The following ACTN1 variants were observed in gnomAD, a reference collection of about 807,000 sequenced individuals.
The protein encoded by ACTN1 is alpha-actinin-1.
ACTN1 carries 30 observed loss-of-function variants against 119.6 expected under a neutral mutation model. That is an observed-to-expected ratio of 0.25 (90% CI 0.19 to 0.34). The LOEUF (loss-of-function observed/expected upper bound fraction) is 0.34. Among genes scored for constraint, ACTN1 ranks in the 10% least tolerant of loss-of-function variants. ACTN1 has a pLI of 1.00. For missense variants in ACTN1, 764 were observed against 1,223.4 expected, an observed-to-expected ratio of 0.62 and a Z score of 5.60; for synonymous variants, 429 against 472.6, an observed-to-expected ratio of 0.91 and a Z score of 1.20.
At chr14:68,921,198 C>A in intron 2 of ACTN1, 73 bp from the exon 3 acceptor site, 1 of 1,571,592 alleles carries the variant, frequency 6.4e-7, no homozygotes, top group South Asian at 1.2e-5. Context: ...TACCACTACA[C>A]CCTCATCCAA....
Position 68,909,252 on chromosome 14 carries a change from A to T in ACTN1, c.594+66T>A. ...CATGGACTGTCACAACAAGGGTCCT[A>T]GTCCTGCTCTTTTCCCACCCCACCT... On this transcript the variant is annotated intron_variant, in intron 6 of 21. Transcript: ENST00000394419. The surrounding 1 kb of genome is among the most constrained non-coding windows in gnomAD (Gnocchi z 4.1). 2.0e-6 allele frequency: 3 copies of T among 1,485,296 alleles called. No individual in the cohort carries two copies. Among genetic ancestry groups the T allele is most frequent in the Non-Finnish European group, 2.8e-6 (3 of 1,065,518 alleles). 92.0% of individuals were successfully genotyped at this position (1,485,296 alleles called of 1,614,324 possible). A position where few individuals can be genotyped will look rare whatever the true frequency, so the allele number is the denominator to read the frequency against.
chr14:68,905,441 C>T (rs1362029471), intron 6 of ACTN1, among the ~76,000 whole-genome samples: 1 of 152,210 alleles, frequency 6.6e-6, no homozygotes, highest in African/African-American at 2.4e-5. Context: ...TACAATTCCA[C>T]TTGCGGGGAG....
At chr14:68,877,538 T>A (rs1594747081) in intron 20 of ACTN1, 1 of 362,922 alleles carries the variant, frequency 2.8e-6, no homozygotes, top group East Asian at 5.3e-5. Flanking sequence ...ATGTAGCATA[T>A]CAAGTATTAA....
intron 1 of ACTN1, among the ~76,000 whole-genome samples, chr14:68,974,884 G>C: frequency 6.6e-6 from 1 of 152,206 alleles, no homozygotes. Flanking sequence ...TCTGTGACTA[G>C]GCCACATCTC....
intron 1 of ACTN1, chr14:68,973,631 AGAGG>A (rs2036966108): frequency 6.6e-6 from 1 of 152,274 alleles, no homozygotes; most frequent in Admixed American, 6.5e-5. Flanking sequence ...TCATGCATGA[AGAGG>A]GAGGAAGAAG....
At chr14:68,978,922 G>A in intron 1 of ACTN1, 30 bp downstream of exon 1, 1 of 1,467,488 alleles carries the variant, frequency 6.8e-7, no homozygotes, top group South Asian at 1.2e-5. Context: ...TGGGGGCTGG[G>A]GGCTGCAGCG....
chr14:68,909,452 C>T lies in ACTN1; in HGVS notation c.516-56G>A. 6.4e-7 allele frequency: 1 copy of T among 1,566,056 alleles called. No homozygotes were observed. The highest frequency in any genetic ancestry group is 8.8e-7 in the Non-Finnish European group (1 of 1,139,812). On this transcript the variant is annotated intron_variant, in intron 5 of 21. Transcript: ENST00000394419. The surrounding 1 kb of genome is among the most constrained non-coding windows in gnomAD (Gnocchi z 4.1). ...TGGTAAATGAGGCTGAACAAACGGGCAACCAGGGCAAAGCAGGGGCCTCCT... is the reference window on the plus strand; with the variant it reads ...TGGTAAATGAGGCTGAACAAACGGGTAACCAGGGCAAAGCAGGGGCCTCCT...
rs2031117185 is a variant in ACTN1, at chr14:68,878,274, C to A, written c.2427+184G>T. On this transcript the variant is annotated intron_variant, in intron 20 of 21. Coordinates refer to ENST00000394419, the MANE Select transcript of ACTN1 (RefSeq NM_001130004.2). The surrounding 1 kb of genome is among the most constrained non-coding windows in gnomAD (Gnocchi z 4.4). The stretch of plus-strand genomic sequence containing the variant: ...GAGGAGGTCAGGCCTCCCGGATACA[C>A]ACACGCCCGTGGCCGGGCCGGCTTT... 1 of 789,940 alleles carries A rather than the reference C, an allele frequency of 1.3e-6. No individual in the cohort carries two copies. The highest frequency in any genetic ancestry group is 1.9e-6 in the Non-Finnish European group (1 of 523,672). The allele number at this position is 789,940 out of a possible 1,614,324, so 48.9% of individuals were successfully genotyped here. A position where few individuals can be genotyped will look rare whatever the true frequency, so the allele number is the denominator to read the frequency against.
In ACTN1 at chr14:68,892,119, C is replaced by G. The variant is rs200777938; in HGVS notation, c.1020G>C (p.Thr340=). 24 of 1,613,866 alleles carry G rather than the reference C, an allele frequency of 1.5e-5. No individual in the cohort carries two copies. The highest frequency in any genetic ancestry group is 3.3e-5 in the South Asian group (3 of 91,070). Residue 340 remains threonine, a synonymous_variant, in exon 10 of 22, where the codon ACG becomes ACC. Transcript: ENST00000394419. ...TGCTGAGCCGCAGCTTGGTCTGCAG[C>G]GTGTTGAAGTTGATCTCCAGCTGGC... ...EKCQLEINFN[T]LQTKLRLSNR...
intron 1 of ACTN1, among the ~76,000 whole-genome samples, chr14:68,971,024 A>C (rs545009861): frequency 1.1e-4 from 17 of 152,258 alleles, no homozygotes; most frequent in Admixed American, 5.2e-4. Flanking sequence ...AAAATGCGCC[A>C]CAATGAGTTG....
chr14:68,915,568 T>A (rs2034246681), intron 3 of ACTN1, among the ~76,000 whole-genome samples: 1 of 152,190 alleles, frequency 6.6e-6, no homozygotes, highest in Non-Finnish European at 1.5e-5. Flanking sequence ...AAAGCCCCCA[T>A]CAGCATCTGC....
chr14:68,908,527 A>C (rs2033805938), intron 6 of ACTN1, among the ~76,000 whole-genome samples: 1 of 152,178 alleles, frequency 6.6e-6, no homozygotes, highest in African/African-American at 2.4e-5. Context: ...CCCCAACTCC[A>C]GGTCACCAAC....
intron 6 of ACTN1, 142 bp from the exon 7 acceptor site, chr14:68,904,878 A>G: frequency 1.6e-6 from 1 of 634,498 alleles, no homozygotes; most frequent in Non-Finnish European, 2.8e-6. Flanking sequence ...ACAGCTCCAG[A>G]TGTGGAAGGC....
intron 1 of ACTN1, among the ~76,000 whole-genome samples, chr14:68,942,875 C>G (rs766401840): frequency 2.0e-5 from 3 of 152,132 alleles, no homozygotes; most frequent in South Asian, 2.1e-4. Flanking sequence ...ATCTGCATAT[C>G]CATCACAGGA....
At chr14:68,929,021 C>G (rs1481415699) in intron 1 of ACTN1, among the ~76,000 whole-genome samples, 1 of 150,382 alleles carries the variant, frequency 6.6e-6, no homozygotes, top group African/African-American at 2.5e-5. Context: ...TGGGAGAGGG[C>G]TGGAACTGTG....
At chr14:68,953,120 C>T (rs2036227490) in intron 1 of ACTN1, among the ~76,000 whole-genome samples, 1 of 152,184 alleles carries the variant, frequency 6.6e-6, no homozygotes, top group Non-Finnish European at 1.5e-5. Context: ...ATTTCCTGGA[C>T]TTCAGTTTCC....
chr14:68,910,066 G>T (rs371907912), intron 4 of ACTN1, 24 bp from the exon 5 acceptor site: 1 of 1,600,082 alleles, frequency 6.2e-7, no homozygotes, highest in Non-Finnish European at 8.6e-7. Flanking sequence ...GATGGGCAGC[G>T]AGGTCAGAGG....
rs1435689746 is a variant in ACTN1 at position 68,878,097 on chromosome 14, C to T, written c.2427+361G>A. ...ACCGCCAGGACAGAGGTGGAAGTCT[C>T]GGTTTCCATGCTCCATGTGAGGTGA... On this transcript the variant is annotated intron_variant, in intron 20 of 21. Coordinates refer to ENST00000394419, the MANE Select transcript of ACTN1 (RefSeq NM_001130004.2). The surrounding 1 kb of genome is among the most constrained non-coding windows in gnomAD (Gnocchi z 4.4). The T allele has an allele frequency of 1.9e-5, 4 of 210,452 alleles. No individual in the cohort carries two copies. The East Asian group carries it at 3.3e-4, about 17-fold the overall frequency. 13.0% of individuals were successfully genotyped at this position (210,452 alleles called of 1,614,324 possible).
At chr14:68,921,157 T>C in intron 2 of ACTN1, 32 bp from the exon 3 acceptor site, 2 of 1,611,150 alleles carry the variant, frequency 1.2e-6, no homozygotes, top group Non-Finnish European at 8.5e-7. Context: ...AAGAGGAAGG[T>C]GAGACGCTAT....
Sources: allele counts gnomAD v4.1 joint callset (sites outside exome capture counted in the v4.1 genomes callset), GRCh38; gene constraint gnomAD v4.1.1; non-coding constraint Gnocchi (gnomAD v3.1); transcripts MANE v1.5; gene names NCBI Gene and HGNC (gene_info 2026-07-23, HGNC 2026-07-21).